The following POLR2D variants were observed in gnomAD, a reference collection of about 807,000 sequenced individuals.
POLR2D encodes DNA-directed RNA polymerase II subunit RPB4.
In POLR2D, 10 loss-of-function variants were observed where a neutral mutation model predicts 17.6. That is an observed-to-expected ratio of 0.57 (90% CI 0.35 to 0.96). The LOEUF is 0.96. POLR2D is among the 40% of genes least tolerant of loss of function. The pLI is 0.02. For missense variants in POLR2D, 126 were observed against 176.4 expected, an observed-to-expected ratio of 0.71 and a Z score of 1.62; for synonymous variants, 52 against 60.2, an observed-to-expected ratio of 0.86 and a Z score of 0.63.
intron 1 of POLR2D, 119 bp downstream of exon 1, chr2:127,857,909 C>T (rs1002867582): frequency 1.2e-5 from 17 of 1,417,426 alleles, no homozygotes; most frequent in Middle Eastern, 4.0e-4. Flanking sequence ...AGCCCCACGC[C>T]GCGCTGGGGC....
At chr2:127,853,557 T>C (rs1308184257) in intron 1 of POLR2D, among the ~76,000 whole-genome samples, 2 of 150,444 alleles carry the variant, frequency 1.3e-5, no homozygotes, top group African/African-American at 4.9e-5. Flanking sequence ...TTTCGTTCTT[T>C]TATTTTTTTT....
chr2:127,857,838 C>G, intron 1 of POLR2D, 190 bp downstream of exon 1: 1 of 1,320,934 alleles, frequency 7.6e-7, no homozygotes, highest in Non-Finnish European at 9.6e-7. Flanking sequence ...ATAAAATAAC[C>G]CAGTTGCCCA....
chr2:127,850,064 A>G (rs1196567490), intron 3 of POLR2D, among the ~76,000 whole-genome samples: 1 of 152,190 alleles, frequency 6.6e-6, no homozygotes, highest in African/African-American at 2.4e-5. Flanking sequence ...CAATCCTACC[A>G]TCAGCGTACA....
At position 127,850,781 on chromosome 2, in the gene POLR2D, G is replaced by A. The variant is rs1292695023; in HGVS notation, c.255-96C>T. ...AACAGGAAAAAAGGGATCAAACGTA[G>A]CTAGTATTTAAAAATAGCTAGACGG... On this transcript the variant is annotated intron_variant, in intron 2 of 3. Coordinates refer to ENST00000272645, the MANE Select transcript of POLR2D (RefSeq NM_004805.4). 6.1e-6 allele frequency: 4 copies of A among 651,272 alleles called. No homozygotes were observed. In the Admixed American group the frequency reaches 1.2e-4, roughly 19 times the overall value. The allele number at this position is 651,272 out of a possible 1,614,324, so 40.3% of individuals were successfully genotyped here.
intron 3 of POLR2D, 121 bp from the exon 4 acceptor site, chr2:127,848,306 T>G (rs879218232): frequency 1.6e-6 from 1 of 608,332 alleles, no homozygotes. Flanking sequence ...CTGGATTTCT[T>G]TTCCACTTTT....
chr2:127,855,768 C>T (rs1188623295), intron 1 of POLR2D, among the ~76,000 whole-genome samples: 1 of 152,016 alleles, frequency 6.6e-6, no homozygotes. Flanking sequence ...TCCCAAGGAA[C>T]ATTTTCAAGT....
At position 127,845,968 on chromosome 2, in the gene POLR2D, A is replaced by T. The variant is rs966980206; in HGVS notation, c.*2139T>A. ...CTCAAAGAAGCGAAGTTGCTCAAGGATAAAAAGATTGGCCGGTGGCTCACG... is the reference window on the plus strand; with the variant it reads ...CTCAAAGAAGCGAAGTTGCTCAAGGTTAAAAAGATTGGCCGGTGGCTCACG... On this transcript the variant is annotated 3_prime_UTR_variant, in exon 4 of 4. Coordinates refer to ENST00000272645, the MANE Select transcript of POLR2D (RefSeq NM_004805.4). 25 of 152,234 alleles carry T rather than the reference A, an allele frequency of 1.6e-4. No individual in the cohort carries two copies. Among genetic ancestry groups the T allele is most frequent in the African/African-American group, 5.8e-4 (24 of 41,452 alleles). 9.4% of individuals were successfully genotyped at this position (152,234 alleles called of 1,614,324 possible). A position where few individuals can be genotyped will look rare whatever the true frequency, so the allele number is the denominator to read the frequency against.
Position 127,851,119 on chromosome 2 carries a change from G to A in POLR2D, c.255-434C>T, listed in dbSNP as rs192383832. On this transcript the variant is annotated intron_variant, in intron 2 of 3. Coordinates refer to ENST00000272645, the MANE Select transcript of POLR2D (RefSeq NM_004805.4). ...TACTCCCAGCTACTCGGGAGGCTGA[G>A]GCAGGAGAATTGCTTGAACCCGGGA... Among the ~76,000 whole-genome samples, 232 of 152,280 alleles carry A rather than the reference G, an allele frequency of 1.5e-3. 1 individual carries two copies. Among genetic ancestry groups the A allele is most frequent in the African/African-American group, 5.0e-3 (207 of 41,542 alleles).
In POLR2D at chr2:127,845,029, A is replaced by G. The variant is rs1325870856; in HGVS notation, c.*3078T>C. On this transcript the variant is annotated 3_prime_UTR_variant, in exon 4 of 4. Coordinates refer to ENST00000272645, the MANE Select transcript of POLR2D (RefSeq NM_004805.4). Reference sequence around the variant, plus strand: ...TTAGTGCCTAACTATGTGCCAGAGCATTATATACTTCAGTATTCTCAGGTA... The same window carrying G: ...TTAGTGCCTAACTATGTGCCAGAGCGTTATATACTTCAGTATTCTCAGGTA... 3.3e-5 allele frequency: 5 copies of G among 152,300 alleles called. No homozygotes were observed. In the East Asian group the frequency reaches 9.6e-4, roughly 29 times the overall value. 9.4% of individuals were successfully genotyped at this position (152,300 alleles called of 1,614,324 possible). A position where few individuals can be genotyped will look rare whatever the true frequency, so the allele number is the denominator to read the frequency against.
chr2:127,850,069 C>T (rs146168643), intron 3 of POLR2D, among the ~76,000 whole-genome samples: 12 of 152,098 alleles, frequency 7.9e-5, no homozygotes, highest in African/African-American at 2.2e-4. Context: ...CTACCATCAG[C>T]GTACAGAAGT....
chr2:127,856,505 T>A (rs1690333498), intron 1 of POLR2D, among the ~76,000 whole-genome samples: 1 of 148,606 alleles, frequency 6.7e-6, no homozygotes, highest in South Asian at 2.1e-4. Context: ...CAGGATGGCT[T>A]GAAACTAGGA....
rs375411625 is a variant in POLR2D, at chr2:127,846,643, TA to T, written c.*1463del. On this transcript the variant is annotated 3_prime_UTR_variant, in exon 4 of 4. Coordinates refer to ENST00000272645, the MANE Select transcript of POLR2D (RefSeq NM_004805.4). ...AGAACTTCAAGCCTGGCCTATGAAG[TA>T]AAAAAAAAAAAAAATTTTTTTAAGT... The T allele has an allele frequency of 1.7e-3, 247 of 145,080 alleles. No individual in the cohort carries two copies. The highest frequency in any genetic ancestry group is 1.7e-3 in the Admixed American group (24 of 14,538). 9.0% of individuals were successfully genotyped at this position (145,080 alleles called of 1,614,324 possible). A position where few individuals can be genotyped will look rare whatever the true frequency, so the allele number is the denominator to read the frequency against.
At chr2:127,857,890 T>G (rs2104729256) in intron 1 of POLR2D, 138 bp downstream of exon 1, 1 of 1,368,458 alleles carries the variant, frequency 7.3e-7, no homozygotes, top group Middle Eastern at 2.3e-4. Flanking sequence ...AAGGCCATGT[T>G]CCCTCCCCAG....
intron 3 of POLR2D, among the ~76,000 whole-genome samples, chr2:127,849,863 C>T (rs7597691): frequency 0.55 from 83,286 of 151,874 alleles, 23,453 homozygotes; most frequent in South Asian, 0.72. Flanking sequence ...CTGGCCAACA[C>T]GGTGAAACCC....
rs116758504 is a variant in POLR2D, at chr2:127,852,563, T to C, written c.254+362A>G. Among the ~76,000 whole-genome samples the C allele has an allele frequency of 9.0e-3, 1,368 of 152,314 alleles. 22 individuals are homozygous for C. The highest frequency in any genetic ancestry group is 0.03 in the African/African-American group (1,251 of 41,580). On this transcript the variant is annotated intron_variant, in intron 2 of 3. Transcript: ENST00000272645. The surrounding 1 kb of genome is among the most constrained non-coding windows in gnomAD (Gnocchi z 4.0). Reference sequence around the variant, plus strand: ...CTGGCTGAAATTCTGGTCTTCTAAGTTGCCCAGGTTGGAGTGCAGTTGCGC... The same window carrying C: ...CTGGCTGAAATTCTGGTCTTCTAAGCTGCCCAGGTTGGAGTGCAGTTGCGC...
Position 127,847,630 on chromosome 2 carries a change from A to G in POLR2D, c.*477T>C, listed in dbSNP as rs1026675760. On this transcript the variant is annotated 3_prime_UTR_variant, in exon 4 of 4. Transcript: ENST00000272645. ...GGACAAGAGTTAAGACCCTATCTCC[A>G]TTTAAAAAAAAAAAAAAAAAGCATT... The G allele has an allele frequency of 5.8e-6, 1 of 172,480 alleles. No homozygotes were observed. The highest frequency in any genetic ancestry group is 1.2e-5 in the Non-Finnish European group (1 of 81,520). 10.7% of individuals were successfully genotyped at this position (172,480 alleles called of 1,614,324 possible).
In POLR2D at chr2:127,846,154, G is replaced by A. The variant is rs1277947756; in HGVS notation, c.*1953C>T. ...TGTAATCCCAGCTACTTGGGAGGCT[G>A]AGGCAGGAGAATCACTTGAACCCAG... is the stretch of plus-strand genomic sequence containing the variant. On this transcript the variant is annotated 3_prime_UTR_variant, in exon 4 of 4. Coordinates refer to ENST00000272645, the MANE Select transcript of POLR2D (RefSeq NM_004805.4). The A allele has an allele frequency of 2.0e-5, 3 of 152,218 alleles. No homozygotes were observed. The highest frequency in any genetic ancestry group is 7.2e-5 in the African/African-American group (3 of 41,424). The allele number at this position is 152,218 out of a possible 1,614,324, so 9.4% of individuals were successfully genotyped here. A position where few individuals can be genotyped will look rare whatever the true frequency, so the allele number is the denominator to read the frequency against.
At chr2:127,853,430 T>A (rs896818923) in intron 1 of POLR2D, among the ~76,000 whole-genome samples, 13 of 152,208 alleles carry the variant, frequency 8.5e-5, no homozygotes, top group Non-Finnish European at 1.8e-4. Flanking sequence ...TCTGTCCATA[T>A]GTACTCAAGG....
intron 3 of POLR2D, among the ~76,000 whole-genome samples, chr2:127,850,322 C>T (rs997309842): frequency 2.0e-5 from 3 of 151,598 alleles, no homozygotes; most frequent in African/African-American, 7.3e-5. Flanking sequence ...TGCCTGTAAT[C>T]CCAGCTACTC....
Sources: allele counts gnomAD v4.1 joint callset (sites outside exome capture counted in the v4.1 genomes callset), GRCh38; gene constraint gnomAD v4.1.1; non-coding constraint Gnocchi (gnomAD v3.1); transcripts MANE v1.5; gene names NCBI Gene and HGNC (gene_info 2026-07-23, HGNC 2026-07-21).